Variants in GRM5 observed in about 807,000 individuals in gnomAD.
GRM5 encodes glutamate metabotropic receptor 5.
GRM5 carries 19 observed loss-of-function variants against 83.1 expected under a neutral mutation model. The observed-to-expected ratio is 0.23, with a 90% CI of 0.16 to 0.34. GRM5 has a LOEUF of 0.34. Ranked by LOEUF, GRM5 falls within the 10% of genes least tolerant of loss-of-function variation. GRM5 has a pLI of 1.00. For synonymous variants in GRM5, 675 were observed against 633.6 expected (o/e 1.07, Z -0.98); for missense variants, 1,160 against 1,588.3 (o/e 0.73, Z 4.58).
intron 4 of GRM5, among the ~76,000 whole-genome samples, chr11:88,628,085 C>T (rs946609979): frequency 7.9e-5 from 12 of 151,670 alleles, no homozygotes; most frequent in African/African-American, 2.4e-4. Context: ...CTGCCTCCAA[C>T]TCCCTGTCTC....
chr11:88,681,552 G>A lies in GRM5; in HGVS notation c.912-28149C>T, dbSNP rs961855098. Among the ~76,000 whole-genome samples, 3 of 67,664 alleles carry A rather than the reference G, an allele frequency of 4.4e-5. 1 individual carries two copies. The East Asian group carries it at 1.5e-3, about 34-fold the overall frequency. 44.4% of individuals were successfully genotyped at this position (67,664 alleles called of 152,430 possible). ...TCCCCTACTGTTTATAAACTCAAGA[G>A]GTTGAGTTCTTCCTTTTTTTTTTTT... On this transcript the variant is annotated intron_variant, in intron 3 of 9. Transcript: ENST00000305447.
Position 88,509,138 on chromosome 11 carries a change from C to A in GRM5, c.3093G>T (p.Ser1031=), listed in dbSNP as rs200925052. Residue 1031 remains serine, a synonymous_variant, in exon 10 of 10, where the codon TCG becomes TCT. Coordinates refer to ENST00000305447, the MANE Select transcript of GRM5 (RefSeq NM_001143831.3). The part of the protein sequence containing the change: ...PISTLSHRAG[S]ASRTDDDVPS... The stretch of plus-strand genomic sequence containing the variant: ...GCACATCGTCGTCCGTGCGGCTGGC[C>A]GAGCCCGCGCGGTGGCTCAGCGTGC... The A allele has an allele frequency of 2.6e-6, 4 of 1,540,898 alleles. No individual in the cohort carries two copies. The highest frequency in any genetic ancestry group is 3.9e-5 in the Admixed American group (2 of 50,752).
chr11:88,803,562 G>A (rs1424774327), intron 3 of GRM5, among the ~76,000 whole-genome samples: 6 of 152,118 alleles, frequency 3.9e-5, no homozygotes, highest in African/African-American at 7.2e-5. Context: ...CTTAAACGTT[G>A]GACCTAAAAC....
intron 3 of GRM5, among the ~76,000 whole-genome samples, chr11:88,831,174 A>C (rs74561653): frequency 0.025 from 3,875 of 152,242 alleles, 172 homozygotes; most frequent in African/African-American, 0.089. Context: ...CTGTATCCTG[A>C]ATCTCCTTAT....
At chr11:88,612,203 T>C (rs1835742385) in intron 4 of GRM5, among the ~76,000 whole-genome samples, 1 of 146,208 alleles carries the variant, frequency 6.8e-6, no homozygotes, top group Non-Finnish European at 1.5e-5. Flanking sequence ...CACCTATGAG[T>C]GAGAATATGT....
chr11:88,744,136 A>G (rs893834932), intron 3 of GRM5, among the ~76,000 whole-genome samples: 2 of 152,156 alleles, frequency 1.3e-5, no homozygotes, highest in South Asian at 4.1e-4. Context: ...AAAATCTAGG[A>G]CCATAGTTAG....
chr11:88,885,841 G>A (rs1409768710), intron 2 of GRM5, among the ~76,000 whole-genome samples: 1 of 152,114 alleles, frequency 6.6e-6, no homozygotes, highest in Non-Finnish European at 1.5e-5. Context: ...GTAGACAAGT[G>A]AGCTGAGAGC....
chr11:88,790,926 T>C lies in GRM5; in HGVS notation c.911+58980A>G, dbSNP rs545077363. The stretch of plus-strand genomic sequence containing the variant: ...GCAATGGGGAGCCTCTGGAAATTTA[T>C]AACAGTTAGAATTAAATTTTAGAAA... On this transcript the variant is annotated intron_variant, in intron 3 of 9. Coordinates refer to ENST00000305447, the MANE Select transcript of GRM5 (RefSeq NM_001143831.3). 9.2e-5 allele frequency among the ~76,000 whole-genome samples: 14 copies of C among 152,300 alleles called. No homozygotes were observed. The South Asian group carries it at 2.7e-3, about 29-fold the overall frequency.
chr11:88,833,990 T>C (rs11021521), intron 3 of GRM5, among the ~76,000 whole-genome samples: 2,520 of 152,136 alleles, frequency 0.017, 44 homozygotes, highest in East Asian at 0.068. Context: ...ATAAGAGAGG[T>C]TGGTTAATGG....
chr11:88,808,010 AT>A, intron 3 of GRM5, among the ~76,000 whole-genome samples: 1 of 152,130 alleles, frequency 6.6e-6, no homozygotes, highest in Non-Finnish European at 1.5e-5. Flanking sequence ...TAGAATATTC[AT>A]TTATAAATTT....
chr11:88,775,490 T>A (rs1942828314), intron 3 of GRM5, among the ~76,000 whole-genome samples: 2 of 152,192 alleles, frequency 1.3e-5, no homozygotes, highest in African/African-American at 4.8e-5. Flanking sequence ...AGCTTTTGAA[T>A]GTGTTTGCTC....
At chr11:88,900,044 G>C (rs549662915) in intron 2 of GRM5, among the ~76,000 whole-genome samples, 26 of 152,038 alleles carry the variant, frequency 1.7e-4, no homozygotes, top group Non-Finnish European at 2.9e-4. Context: ...TATTTTATGA[G>C]TGTCTGCTAA....
intron 3 of GRM5, among the ~76,000 whole-genome samples, chr11:88,759,312 C>T (rs908145192): frequency 2.0e-5 from 3 of 151,954 alleles, no homozygotes; most frequent in East Asian, 1.9e-4. Context: ...ACCCAATGTA[C>T]GGTCTCTTCA....
Position 88,525,062 on chromosome 11 carries a change from G to C in GRM5, c.2726+247C>G, listed in dbSNP as rs1358034841. Among the ~76,000 whole-genome samples the C allele has an allele frequency of 2.0e-5, 3 of 152,196 alleles. No homozygotes were observed. In the East Asian group the frequency reaches 5.8e-4, roughly 29 times the overall value. The stretch of plus-strand genomic sequence containing the variant: ...AGAGGAGGACTGACTGTGAGCTAAG[G>C]CTTCAGACATGCAAAGCGCACAACC... On this transcript the variant is annotated intron_variant, in intron 9 of 9. Coordinates refer to ENST00000305447, the MANE Select transcript of GRM5 (RefSeq NM_001143831.3).
chr11:88,667,932 T>G (rs980521297), intron 3 of GRM5, among the ~76,000 whole-genome samples: 3 of 151,588 alleles, frequency 2.0e-5, no homozygotes, highest in Non-Finnish European at 4.4e-5. Flanking sequence ...AAGTCAAAAT[T>G]GATTCTTTGA....
chr11:88,785,963 A>G (rs1943060605), intron 3 of GRM5, among the ~76,000 whole-genome samples: 1 of 152,138 alleles, frequency 6.6e-6, no homozygotes, highest in African/African-American at 2.4e-5. Context: ...GACACATTAG[A>G]TAGGATGCCC....
At chr11:88,988,014 G>A (rs1286173822) in intron 2 of GRM5, among the ~76,000 whole-genome samples, 7 of 151,622 alleles carry the variant, frequency 4.6e-5, no homozygotes, top group Admixed American at 2.6e-4. Context: ...GACGGAGAAC[G>A]ACTTTGACGA....
intron 3 of GRM5, among the ~76,000 whole-genome samples, chr11:88,781,127 GTATATATATA>G (rs59273026): frequency 6.9e-6 from 1 of 145,412 alleles, no homozygotes; most frequent in African/African-American, 2.5e-5. Flanking sequence ...ACATATATAT[GTATATATATA>G]TATATATATA....
chr11:88,946,629 T>A (rs539224815), intron 2 of GRM5, among the ~76,000 whole-genome samples: 1 of 152,174 alleles, frequency 6.6e-6, no homozygotes, highest in Admixed American at 6.6e-5. Context: ...CCCACTGACA[T>A]AACGATGGCG....
Sources: allele counts gnomAD v4.1 joint callset (sites outside exome capture counted in the v4.1 genomes callset), GRCh38; gene constraint gnomAD v4.1.1; transcripts MANE v1.5; gene names NCBI Gene and HGNC (gene_info 2026-07-23, HGNC 2026-07-21).